Variants in SMCO2 observed in about 807,000 individuals in gnomAD.
SMCO2 encodes single-pass membrane and coiled-coil domain-containing protein 2.
In SMCO2, 25 loss-of-function variants were observed where a neutral mutation model predicts 29.5. The observed-to-expected ratio is 0.85, with a 90% CI of 0.62 to 1.18. SMCO2 has a LOEUF of 1.18. Among genes scored for constraint, SMCO2 ranks in the 50% most tolerant of loss-of-function variants. The probability of loss-of-function intolerance (pLI) is 0.00; values close to 1 mark genes in which losing one functional copy is unlikely to be tolerated. For missense variants in SMCO2, 348 were observed against 344.5 expected, an observed-to-expected ratio of 1.01 and a Z score of -0.08; for synonymous variants, 117 against 123.3, an observed-to-expected ratio of 0.95 and a Z score of 0.34.
chr12:27,498,997 C>T (rs564341649), intron 7 of SMCO2, among the ~76,000 whole-genome samples: 3 of 150,630 alleles, frequency 2.0e-5, no homozygotes, highest in South Asian at 4.2e-4. Context: ...GGTGGGATTG[C>T]GAAATGGTAC....
At chr12:27,494,206 A>G (rs1190573772) in intron 5 of SMCO2, 94 bp from the exon 7 acceptor site, 14 of 772,890 alleles carry the variant, frequency 1.8e-5, no homozygotes, top group Non-Finnish European at 2.5e-5. Flanking sequence ...TCAATGAAGC[A>G]TTTTATAAGG....
chr12:27,488,371 G>A (rs1949706889), intron 4 of SMCO2, 89 bp from the exon 6 acceptor site: 3 of 797,724 alleles, frequency 3.8e-6, no homozygotes, highest in African/African-American at 3.6e-5. Context: ...ATATGGGAAT[G>A]GTATTTCATT....
the SMCO2 span, among the ~76,000 whole-genome samples, chr12:27,453,749 G>A: frequency 0.022 from 3,410 of 152,292 alleles, 135 homozygotes; most frequent in African/African-American, 0.078. Flanking sequence ...TACAGCAAAT[G>A]TGGCACAAAT....
the SMCO2 span, among the ~76,000 whole-genome samples, chr12:27,431,499 A>G: frequency 1.3e-5 from 2 of 152,190 alleles, no homozygotes; most frequent in Non-Finnish European, 2.9e-5. Context: ...ATACAAATAC[A>G]TGAAGTATTT....
At chr12:27,464,575 G>T (rs1473501522), upstream of SMCO2, among the ~76,000 whole-genome samples, 1 of 151,788 alleles carries the variant, frequency 6.6e-6, no homozygotes, top group Non-Finnish European at 1.5e-5. Context: ...AAGTTAGCCG[G>T]GTGTGGTGGC....
At chr12:27,468,476 C>A (rs747403542) in intron 1 of SMCO2, among the ~76,000 whole-genome samples, 1 of 152,200 alleles carries the variant, frequency 6.6e-6, no homozygotes, top group Non-Finnish European at 1.5e-5. Context: ...GGCCTGCTGG[C>A]CATAGTTTGA....
At chr12:27,426,807 C>A in the SMCO2 span, among the ~76,000 whole-genome samples, 1 of 152,232 alleles carries the variant, frequency 6.6e-6, no homozygotes, top group South Asian at 2.1e-4. Flanking sequence ...ACCTAGAGAA[C>A]CCAACTGAGG....
At chr12:27,494,428 A>G (rs578211629) in intron 6 of SMCO2, 72 bp downstream of exon 7, 5 of 970,852 alleles carry the variant, frequency 5.2e-6, no homozygotes, top group Middle Eastern at 2.1e-4. Flanking sequence ...GGGGTCATTC[A>G]TTGCCTAGAA....
chr12:27,431,630 A>T, the SMCO2 span, among the ~76,000 whole-genome samples: 39 of 152,096 alleles, frequency 2.6e-4, no homozygotes, highest in African/African-American at 6.3e-4. Context: ...ATCACATTTT[A>T]AAAAAATCCA....
chr12:27,436,384 A>G, the SMCO2 span, among the ~76,000 whole-genome samples: 5 of 152,058 alleles, frequency 3.3e-5, no homozygotes, highest in Non-Finnish European at 5.9e-5. Context: ...ATGGGTGGGA[A>G]CCATATGGAA....
the SMCO2 span, among the ~76,000 whole-genome samples, chr12:27,435,201 T>C: frequency 6.7e-6 from 1 of 149,058 alleles, no homozygotes; most frequent in Admixed American, 6.7e-5. Context: ...TCCTGTATAA[T>C]TCTTTGCTGT....
the SMCO2 span, among the ~76,000 whole-genome samples, chr12:27,441,612 G>C: frequency 1.3e-5 from 2 of 152,168 alleles, no homozygotes; most frequent in African/African-American, 4.8e-5. Flanking sequence ...GAGAGAGACT[G>C]CAGTACCATT....
intron 4 of SMCO2, among the ~76,000 whole-genome samples, chr12:27,479,140 C>A (rs1047147203): frequency 6.6e-6 from 1 of 151,740 alleles, no homozygotes; most frequent in Non-Finnish European, 1.5e-5. Flanking sequence ...CAATAGAATA[C>A]CAGCAGTGGT....
chr12:27,452,435 T>G, the SMCO2 span, among the ~76,000 whole-genome samples: 2 of 152,216 alleles, frequency 1.3e-5, no homozygotes, highest in Non-Finnish European at 2.9e-5. Flanking sequence ...ACACTTAGGT[T>G]TATTCTATAT....
At chr12:27,427,524 C>T in the SMCO2 span, among the ~76,000 whole-genome samples, 1 of 152,146 alleles carries the variant, frequency 6.6e-6, no homozygotes, top group African/African-American at 2.4e-5. Context: ...TTTGCCTACC[C>T]TACTGCTTAT....
chr12:27,479,828 C>CA (rs1949625492), intron 4 of SMCO2, among the ~76,000 whole-genome samples: 1 of 152,214 alleles, frequency 6.6e-6, no homozygotes, highest in Non-Finnish European at 1.5e-5. Context: ...CTTCCCCAGC[C>CA]ATGTGGGACT....
chr12:27,472,114 C>T (rs548545226), intron 2 of SMCO2, among the ~76,000 whole-genome samples: 5 of 152,180 alleles, frequency 3.3e-5, no homozygotes, highest in South Asian at 2.1e-4. Context: ...ATTTTAAAAA[C>T]GAAGCCGCTC....
At chr12:27,462,315 A>G (rs906762556), upstream of SMCO2, among the ~76,000 whole-genome samples, 4 of 152,138 alleles carry the variant, frequency 2.6e-5, no homozygotes, top group Non-Finnish European at 2.9e-5. Context: ...GAAATGACAC[A>G]GTTTCTCTCC....
intron 2 of SMCO2, 96 bp from the exon 3 acceptor site, chr12:27,472,680 G>T (rs540762412): frequency 5.1e-5 from 42 of 829,178 alleles, no homozygotes; most frequent in Non-Finnish European, 7.7e-5. Flanking sequence ...GACTGGGGAA[G>T]ATCTCAGTGT....
Sources: gnomAD v4.1 joint callset for allele counts (sites outside exome capture counted in the v4.1 genomes callset) on GRCh38, gnomAD v4.1.1 for gene constraint, MANE v1.5 for transcripts, NCBI Gene and HGNC (gene_info 2026-07-23, HGNC 2026-07-21) for gene names.